USP47: variants seen among roughly 807,000 people sequenced by gnomAD.
USP47 encodes the protein ubiquitin specific peptidase 47, also known as ubiquitin carboxyl-terminal hydrolase 47.
USP47 carries 35 observed loss-of-function variants against 165.1 expected under a neutral mutation model. That is an observed-to-expected ratio of 0.21 (90% CI 0.16 to 0.28). The LOEUF (loss-of-function observed/expected upper bound fraction) is 0.28, where lower values mean the gene tolerates loss of function less well. Among genes scored for constraint, USP47 ranks in the 10% least tolerant of loss-of-function variants. USP47 has a pLI of 1.00. For synonymous variants in USP47, 531 were observed against 544.5 expected, an observed-to-expected ratio of 0.98 and a Z score of 0.35; for missense variants, 1,277 against 1,607.4, an observed-to-expected ratio of 0.79 and a Z score of 3.52.
chr11:11,859,733 C>T (rs932790075), intron 1 of USP47, among the ~76,000 whole-genome samples: 1 of 152,098 alleles, frequency 6.6e-6, no homozygotes, highest in African/African-American at 2.4e-5. Context: ...TGATAGTTCT[C>T]TAATAATAAC....
chr11:11,892,389 T>C (rs969579829), intron 4 of USP47, among the ~76,000 whole-genome samples: 1 of 146,870 alleles, frequency 6.8e-6, no homozygotes. Flanking sequence ...TCTTTTTTTT[T>C]TTTTTTTTTT....
intron 1 of USP47, among the ~76,000 whole-genome samples, chr11:11,875,294 T>C (rs957485400): frequency 1.3e-5 from 2 of 152,188 alleles, no homozygotes; most frequent in African/African-American, 2.4e-5. Context: ...TCTGAACATA[T>C]ACGATCAATT....
chr11:11,890,005 G>A (rs1851411730), intron 3 of USP47, among the ~76,000 whole-genome samples: 1 of 151,986 alleles, frequency 6.6e-6, no homozygotes. Context: ...CCATAGGCAG[G>A]AAATTGAAAC....
chr11:11,906,115 C>G (rs117280572), intron 8 of USP47, among the ~76,000 whole-genome samples: 2,485 of 152,096 alleles, frequency 0.016, 29 homozygotes, highest in Non-Finnish European at 0.022. Context: ...GGAGGATTAG[C>G]TAAGATTTTC....
At chr11:11,955,272 A>G in intron 27 of USP47, 108 bp downstream of exon 27, 1 of 1,341,054 alleles carries the variant, frequency 7.5e-7, no homozygotes, top group Non-Finnish European at 9.8e-7. Flanking sequence ...GAGCGGCACT[A>G]ACCGGTAGAA....
intron 1 of USP47, among the ~76,000 whole-genome samples, chr11:11,853,977 TA>T: frequency 6.6e-6 from 1 of 150,892 alleles, no homozygotes; most frequent in Admixed American, 6.6e-5. Context: ...TAAAATAAAA[TA>T]AAAAAAATTA....
At chr11:11,912,935 G>A (rs564302002) in intron 8 of USP47, among the ~76,000 whole-genome samples, 63 of 152,102 alleles carry the variant, frequency 4.1e-4, no homozygotes, top group African/African-American at 1.4e-3. Flanking sequence ...TTTAGAAAAG[G>A]TGCTTAATAA....
chr11:11,878,665 TTAAA>T (rs1470796692), intron 1 of USP47: 37 of 152,072 alleles, frequency 2.4e-4, no homozygotes, highest in Admixed American at 2.4e-3. Flanking sequence ...TTTTTAGTAA[TTAAA>T]TATTTGGATG....
intron 20 of USP47, among the ~76,000 whole-genome samples, chr11:11,945,986 A>T (rs907935109): frequency 6.6e-6 from 1 of 151,776 alleles, no homozygotes; most frequent in Non-Finnish European, 1.5e-5. Context: ...TAAAAGAAAT[A>T]CGTAAGAGAA....
Position 11,956,019 on chromosome 11 carries a change from A to G in USP47, c.3912A>G (p.Leu1304=). The change falls in exon 28 of 28, where the codon TTA becomes TTG. Residue 1304 remains leucine (L), a synonymous_variant. Coordinates refer to ENST00000527733, the MANE Select transcript of USP47 (RefSeq NM_001282659.2). ...VIFYRDKTEE[L]MELTDEQRNE... The stretch of plus-strand genomic sequence containing the variant: ...TATGTAGGGATAAAACAGAAGAATT[A>G]ATGGAATTGACAGATGAGCAAAGAA... The G allele has an allele frequency of 6.4e-7, 1 of 1,573,282 alleles. No individual in the cohort carries two copies. Among genetic ancestry groups the G allele is most frequent in the Non-Finnish European group, 8.6e-7 (1 of 1,165,616 alleles).
chr11:11,858,120 T>C (rs1222394941), intron 1 of USP47, among the ~76,000 whole-genome samples: 1 of 152,218 alleles, frequency 6.6e-6, no homozygotes, highest in African/African-American at 2.4e-5. Context: ...TTCCCATTAG[T>C]GGAGTGTACT....
chr11:11,929,397 C>A lies in USP47; in HGVS notation c.1387-37C>A, dbSNP rs11022086. ...AATACACAAATAAGGGTTGTGTTTT[C>A]CTTCTCCTCTGAGTTACTTTTATTT... On this transcript the variant is annotated intron_variant, in intron 11 of 27. Transcript: ENST00000527733. The A allele has an allele frequency of 3.9e-4, 620 of 1,601,772 alleles. 2 individuals are homozygous for A. In the African/African-American group the frequency reaches 5.3e-3, roughly 14 times the overall value.
At chr11:11,851,185 G>A (rs577051811) in intron 1 of USP47, among the ~76,000 whole-genome samples, 1 of 152,248 alleles carries the variant, frequency 6.6e-6, no homozygotes, top group African/African-American at 2.4e-5. Flanking sequence ...TAGGAAAAGG[G>A]GATATGGGTC....
At position 11,872,538 on chromosome 11, in the gene USP47, C is replaced by T. The variant is rs576270621; in HGVS notation, c.40-7639C>T. ...GATACTTGAGCAAAGGAGGTGAGGA[C>T]ATCCAGGGAAAAATATTCCAGGTAC... On this transcript the variant is annotated intron_variant, in intron 1 of 27. Coordinates refer to ENST00000527733, the MANE Select transcript of USP47 (RefSeq NM_001282659.2). Among the ~76,000 whole-genome samples the T allele has an allele frequency of 3.3e-5, 5 of 152,272 alleles. No homozygotes were observed. In the East Asian group the frequency reaches 9.6e-4, roughly 29 times the overall value.
At position 11,938,367 on chromosome 11, in the gene USP47, T is replaced by G; in HGVS notation, c.2188T>G (p.Ser730Ala). ...QTVTEFKQLI[S>A]KAIHLPAETM... Reference sequence around the variant, plus strand: ...AGTTACAGAATTCAAACAACTGATTTCAAAGGTAAGTTTTAAAAGGGGTCT... The same window carrying G: ...AGTTACAGAATTCAAACAACTGATTGCAAAGGTAAGTTTTAAAAGGGGTCT... The change falls in exon 18 of 28, where the codon TCA (serine) becomes GCA (alanine). Residue 730 changes from serine (S) to alanine (A), a missense_variant. Coordinates refer to ENST00000527733, the MANE Select transcript of USP47 (RefSeq NM_001282659.2). 1 of 1,611,350 alleles carries G rather than the reference T, an allele frequency of 6.2e-7. No homozygotes were observed. The highest frequency in any genetic ancestry group is 8.5e-7 in the Non-Finnish European group (1 of 1,178,378).
intron 8 of USP47, among the ~76,000 whole-genome samples, chr11:11,913,036 G>A (rs1184095035): frequency 6.6e-6 from 1 of 151,950 alleles, no homozygotes; most frequent in African/African-American, 2.4e-5. Context: ...AATATCTATA[G>A]CTAACATCAT....
chr11:11,919,907 G>A lies in USP47; in HGVS notation c.970-249G>A, dbSNP rs568647364. 4.6e-5 allele frequency among the ~76,000 whole-genome samples: 7 copies of A among 151,918 alleles called. No individual in the cohort carries two copies. In the East Asian group the frequency reaches 1.3e-3, roughly 29 times the overall value. Reference sequence around the variant, plus strand: ...TGCAATGTAAAGTCAATGAAAATCAGGTTGAAATGACTGTGATACTGCAAT... The same window carrying A: ...TGCAATGTAAAGTCAATGAAAATCAAGTTGAAATGACTGTGATACTGCAAT... On this transcript the variant is annotated intron_variant, in intron 8 of 27. Transcript: ENST00000527733.
chr11:11,858,833 C>G lies in USP47; in HGVS notation c.39+16609C>G, dbSNP rs12292419. Among the ~76,000 whole-genome samples, 415 of 152,224 alleles carry G rather than the reference C, an allele frequency of 2.7e-3. 1 individual carries two copies. Among genetic ancestry groups the G allele is most frequent in the African/African-American group, 9.4e-3 (389 of 41,536 alleles). On this transcript the variant is annotated intron_variant, in intron 1 of 27. Coordinates refer to ENST00000527733, the MANE Select transcript of USP47 (RefSeq NM_001282659.2). ...GGGTTGTTTCCAGTTTTTGGTGATT[C>G]TGAATAAAGCTACTATAAATATTTG...
intron 4 of USP47, among the ~76,000 whole-genome samples, chr11:11,896,353 GCTC>G (rs1851846591): frequency 6.6e-6 from 1 of 152,086 alleles, no homozygotes; most frequent in African/African-American, 2.4e-5. Context: ...ACCTTGTAAG[GCTC>G]CAAGTAGATT....
Sources: allele counts gnomAD v4.1 joint callset (sites outside exome capture counted in the v4.1 genomes callset), GRCh38; gene constraint gnomAD v4.1.1; transcripts MANE v1.5; gene names NCBI Gene and HGNC (gene_info 2026-07-23, HGNC 2026-07-21).